ANKRD44: variants seen among roughly 807,000 people sequenced by gnomAD.
The protein encoded by ANKRD44 is ankyrin repeat domain 44.
Under a neutral mutation model 116.0 loss-of-function variants are expected in ANKRD44, and 35 were observed. The ratio of observed to expected loss-of-function variants is 0.30; its 90% CI spans 0.23 to 0.40. The LOEUF (loss-of-function observed/expected upper bound fraction) is 0.40. Among genes scored for constraint, ANKRD44 ranks in the 10% least tolerant of loss-of-function variants. ANKRD44 has a pLI of 1.00. For synonymous variants in ANKRD44, 435 were observed against 461.8 expected, an observed-to-expected ratio of 0.94 and a Z score of 0.74; for missense variants, 1,014 against 1,242.6, an observed-to-expected ratio of 0.82 and a Z score of 2.77.
At chr2:197,137,264 G>A (rs2079241661) in intron 3 of ANKRD44, among the ~76,000 whole-genome samples, 1 of 152,196 alleles carries the variant, frequency 6.6e-6, no homozygotes, top group African/African-American at 2.4e-5. Flanking sequence ...AAGGAGAGGA[G>A]GAGAAAATAT....
At chr2:197,162,532 C>T (rs1160526034) in intron 2 of ANKRD44, among the ~76,000 whole-genome samples, 1 of 152,150 alleles carries the variant, frequency 6.6e-6, no homozygotes, top group Non-Finnish European at 1.5e-5. Flanking sequence ...AAAACAACTC[C>T]CTCTTGAGAA....
At chr2:197,139,605 T>C (rs975676086) in intron 3 of ANKRD44, among the ~76,000 whole-genome samples, 1 of 152,070 alleles carries the variant, frequency 6.6e-6, no homozygotes, top group Non-Finnish European at 1.5e-5. Context: ...GTATTTTCAA[T>C]GTTTTATTTC....
chr2:197,086,585 C>G, intron 13 of ANKRD44, 95 bp downstream of exon 13: 2 of 1,215,952 alleles, frequency 1.6e-6, no homozygotes, highest in South Asian at 2.6e-5. Flanking sequence ...CAGCTAACTT[C>G]CCGGTTTACC....
At chr2:197,014,095 A>AT (rs1288368881) in intron 17 of ANKRD44, among the ~76,000 whole-genome samples, 1 of 152,200 alleles carries the variant, frequency 6.6e-6, no homozygotes, top group African/African-American at 2.4e-5. Flanking sequence ...CATAATCAGA[A>AT]TTTTTTTCCA....
At chr2:197,277,704 T>C (rs2105811891) in intron 1 of ANKRD44, among the ~76,000 whole-genome samples, 1 of 152,102 alleles carries the variant, frequency 6.6e-6, no homozygotes, top group Non-Finnish European at 1.5e-5. Context: ...GGGAAACAGG[T>C]AGGGGTGGTA....
chr2:197,004,254 T>A (rs1178615432), intron 21 of ANKRD44, among the ~76,000 whole-genome samples: 3 of 152,178 alleles, frequency 2.0e-5, no homozygotes, highest in Non-Finnish European at 4.4e-5. Flanking sequence ...ATTCAATACA[T>A]ATTTGTTGAA....
At chr2:197,085,397 G>C (rs569372852) in intron 13 of ANKRD44, among the ~76,000 whole-genome samples, 2 of 152,238 alleles carry the variant, frequency 1.3e-5, no homozygotes, top group East Asian at 3.9e-4. Context: ...CTTGAATAAG[G>C]GCTGGGTAAA....
chr2:197,290,970 A>G (rs982906794), intron 1 of ANKRD44, among the ~76,000 whole-genome samples: 4 of 152,032 alleles, frequency 2.6e-5, no homozygotes, highest in Admixed American at 2.6e-4. Context: ...ACACTTTGGG[A>G]GGCCAAGGAG....
At chr2:197,071,708 T>C (rs971029019) in intron 16 of ANKRD44, among the ~76,000 whole-genome samples, 3 of 152,212 alleles carry the variant, frequency 2.0e-5, no homozygotes, top group Non-Finnish European at 4.4e-5. Flanking sequence ...CAGATCCTCT[T>C]GGTTGATTAT....
intron 21 of ANKRD44, among the ~76,000 whole-genome samples, chr2:196,975,796 AAAAG>A (rs1174669380): frequency 1.6e-5 from 2 of 125,078 alleles, no homozygotes; most frequent in Non-Finnish European, 3.3e-5. Context: ...TCAAAAAAAA[AAAAG>A]AAAAAGAAAA....
chr2:197,289,842 T>C (rs1023571883), intron 1 of ANKRD44, among the ~76,000 whole-genome samples: 2 of 152,136 alleles, frequency 1.3e-5, no homozygotes, highest in Non-Finnish European at 2.9e-5. Flanking sequence ...TGCCATTTCA[T>C]GTAAACTATC....
intron 1 of ANKRD44, among the ~76,000 whole-genome samples, chr2:197,275,928 C>T (rs1451072720): frequency 6.6e-6 from 1 of 152,074 alleles, no homozygotes; most frequent in Non-Finnish European, 1.5e-5. Context: ...ACACTAAATT[C>T]TCTAGGAATT....
intron 1 of ANKRD44, among the ~76,000 whole-genome samples, chr2:197,241,236 G>T (rs1044007073): frequency 6.6e-6 from 1 of 152,152 alleles, no homozygotes. Context: ...AAAGTATGAG[G>T]ATGCTAATAA....
At chr2:197,051,940 G>T (rs77776161) in intron 16 of ANKRD44, among the ~76,000 whole-genome samples, 1 of 152,324 alleles carries the variant, frequency 6.6e-6, no homozygotes, top group East Asian at 1.9e-4. Context: ...TACCAAGGTT[G>T]AGAAATCCTG....
chr2:196,999,101 T>C lies in ANKRD44; in HGVS notation c.2520-49A>G, dbSNP rs1354202505. On this transcript the variant is annotated intron_variant, in intron 23 of 27. Transcript: ENST00000282272. ...CTTTAGTTTCCTTTAAACTTTATTCTCGCTAGTTACTGCCCAAGAAACATG... is the reference window on the plus strand; with the variant it reads ...CTTTAGTTTCCTTTAAACTTTATTCCCGCTAGTTACTGCCCAAGAAACATG... 6 of 1,598,180 alleles carry C rather than the reference T, an allele frequency of 3.8e-6. No homozygotes were observed. The Admixed American group carries it at 1.0e-4, about 27-fold the overall frequency.
At chr2:197,223,137 T>A (rs917074334) in intron 1 of ANKRD44, among the ~76,000 whole-genome samples, 1 of 152,124 alleles carries the variant, frequency 6.6e-6, no homozygotes, top group Admixed American at 6.6e-5. Flanking sequence ...TATTAAACTA[T>A]GAAATAGTTG....
chr2:197,256,337 G>C (rs2105697615), intron 1 of ANKRD44, among the ~76,000 whole-genome samples: 1 of 152,256 alleles, frequency 6.6e-6, no homozygotes, highest in Middle Eastern at 3.4e-3. Context: ...GATTCCTGCT[G>C]TTCTATGATG....
intron 25 of ANKRD44, among the ~76,000 whole-genome samples, chr2:196,997,992 T>C (rs1022128078): frequency 3.3e-5 from 5 of 152,154 alleles, no homozygotes; most frequent in South Asian, 2.1e-4. Context: ...GCCACATAAC[T>C]AAGGTCCTCA....
chr2:197,024,405 G>A (rs1157622826), intron 17 of ANKRD44, among the ~76,000 whole-genome samples: 8 of 152,134 alleles, frequency 5.3e-5, no homozygotes, highest in Admixed American at 2.0e-4. Context: ...TGAGTGCCTC[G>A]GGAAGGTGAG....
Sources: allele counts gnomAD v4.1 joint callset (sites outside exome capture counted in the v4.1 genomes callset), GRCh38; gene constraint gnomAD v4.1.1; transcripts MANE v1.5; gene names NCBI Gene and HGNC (gene_info 2026-07-23, HGNC 2026-07-21).